The following PMPCB variants were observed in gnomAD, a reference collection of about 807,000 sequenced individuals.
PMPCB encodes mitochondrial-processing peptidase subunit beta.
In PMPCB, 46 loss-of-function variants were observed where a neutral mutation model predicts 61.5. The observed-to-expected ratio is 0.75, with a 90% confidence interval of 0.59 to 0.96. The LOEUF (loss-of-function observed/expected upper bound fraction) is 0.96. Ranked by LOEUF, PMPCB falls within the 40% of genes least tolerant of loss-of-function variation. PMPCB has a pLI of 0.00. For synonymous variants in PMPCB, 191 were observed against 201.6 expected, an observed-to-expected ratio of 0.95 and a Z score of 0.44; for missense variants, 590 against 602.4, an observed-to-expected ratio of 0.98 and a Z score of 0.22.
the PMPCB span, among the ~76,000 whole-genome samples, chr7:103,342,580 C>T: frequency 6.6e-6 from 1 of 151,336 alleles, no homozygotes; most frequent in African/African-American, 2.4e-5. Context: ...GTTGGCATTA[C>T]AGGCGTGAGC....
At chr7:103,302,995 T>G (rs1435124269) in intron 4 of PMPCB, among the ~76,000 whole-genome samples, 1 of 152,250 alleles carries the variant, frequency 6.6e-6, no homozygotes, top group Non-Finnish European at 1.5e-5. Flanking sequence ...GCACAGTTTT[T>G]TTTTTGGAGA....
In PMPCB at chr7:103,324,618, C is replaced by G. The variant is rs986584716; in HGVS notation, c.*1432-4313C>G. 2.0e-5 allele frequency: 26 copies of G among 1,290,378 alleles called. No homozygotes were observed. In the African/African-American group the frequency reaches 3.7e-4, roughly 18 times the overall value. 79.9% of individuals were successfully genotyped at this position (1,290,378 alleles called of 1,614,324 possible). ...TCTTCAAAAATTATGTACAACAGTTCAACAAACAATTTAATTTATTAAAAA... is the reference window on the plus strand; with the variant it reads ...TCTTCAAAAATTATGTACAACAGTTGAACAAACAATTTAATTTATTAAAAA... On this transcript the variant is annotated intron_variant and NMD_transcript_variant, in intron 12 of 12. Coordinates refer to the PMPCB transcript ENST00000444457.
chr7:103,316,764 G>T, downstream of PMPCB: 1 of 1,295,924 alleles, frequency 7.7e-7, no homozygotes. Flanking sequence ...GCTGCTATTT[G>T]GAGTCTGTCT....
chr7:103,316,842 C>G (rs750493852), downstream of PMPCB: 3 of 1,613,370 alleles, frequency 1.9e-6, no homozygotes, highest in Non-Finnish European at 2.5e-6. Context: ...TGAATTTGTT[C>G]CAGCAGGGAA....
chr7:103,315,676 C>T (rs751342677), downstream of PMPCB: 28 of 785,502 alleles, frequency 3.6e-5, no homozygotes, highest in Non-Finnish European at 5.6e-5. Context: ...ATTTCCCTAT[C>T]ATTCTGAACA....
chr7:103,331,467 T>C (rs892142610), downstream of PMPCB, among the ~76,000 whole-genome samples: 37 of 152,178 alleles, frequency 2.4e-4, 1 homozygote, highest in Admixed American at 2.2e-3. Flanking sequence ...TCCTTCTAAT[T>C]GTATGTTTGT....
rs759505735 is a variant in PMPCB, at chr7:103,297,464, C to T, written c.5C>T (p.Ala2Val). 1.1e-5 allele frequency: 17 copies of T among 1,541,268 alleles called. No homozygotes were observed. In the East Asian group the frequency reaches 1.6e-4, roughly 15 times the overall value. The change falls in exon 1 of 13, where the codon GCG (alanine) becomes GTG (valine). Residue 2 changes from alanine to valine, a missense_variant. Physicochemically the swap from Ala to Val is moderately conservative, Grantham distance 64. Coordinates refer to ENST00000249269, the MANE Select transcript of PMPCB (RefSeq NM_004279.3). ...TCTACCTTCCTTCTAGCAGAAATGG[C>T]GGCTGCGGCGGCTCGAGTGGTGTTG... M[A>V]AAAARVVLSS... is the part of the protein sequence containing the mutation.
chr7:103,325,816 T>C (rs1480001986), intron 12 of PMPCB, among the ~76,000 whole-genome samples: 16 of 152,240 alleles, frequency 1.1e-4, no homozygotes, highest in Admixed American at 1.0e-3. Flanking sequence ...AATAATGTTT[T>C]GTCAAAGAAG....
Position 103,308,855 on chromosome 7 carries a change from C to T in PMPCB, c.850-97C>T. ...AATAGAGTCCTGGTGTGCATTTTAA[C>T]TTTGCAGTTAATGGGACTGGTGATT... On this transcript the variant is annotated intron_variant, in intron 7 of 12. Coordinates refer to ENST00000249269, the MANE Select transcript of PMPCB (RefSeq NM_004279.3). 3 of 933,304 alleles carry T rather than the reference C, an allele frequency of 3.2e-6. 1 individual carries two copies. The highest frequency in any genetic ancestry group is 3.1e-6 in the Non-Finnish European group (2 of 650,460). 57.8% of individuals were successfully genotyped at this position (933,304 alleles called of 1,614,324 possible). A position where few individuals can be genotyped will look rare whatever the true frequency, so the allele number is the denominator to read the frequency against.
intron 12 of PMPCB, chr7:103,324,397 A>G: frequency 8.2e-7 from 1 of 1,213,048 alleles, no homozygotes. Flanking sequence ...TGTCCATCTG[A>G]ATTAATTTAT....
chr7:103,344,568 G>C, the PMPCB span: 1 of 1,613,698 alleles, frequency 6.2e-7, no homozygotes, highest in African/African-American at 1.3e-5. Flanking sequence ...CCAGAGGTCA[G>C]AGCGTGGGTG....
chr7:103,320,746 A>AATATATATATATACACACATATATAT (rs1818346058), intron 12 of PMPCB: 4 of 118,324 alleles, frequency 3.4e-5, no homozygotes, highest in Non-Finnish European at 6.8e-5. Context: ...TCTGTCACAA[A>AATATATATATATACACACATATATAT]ATATATATAT....
Position 103,298,604 on chromosome 7 carries a change from C to G in PMPCB, c.136C>G (p.Gln46Glu). The change falls in exon 2 of 13, where the codon CAG (glutamine) becomes GAG (glutamate). Residue 46 changes from glutamine to glutamate, a missense_variant. By Grantham distance (29) the Gln-to-Glu change is conservative (BLOSUM62 2). Transcript: ENST00000249269. Reference protein sequence around the residue: ...YFGENRLRSTQAATQVVLNVP... With the variant: ...YFGENRLRSTEAATQVVLNVP... ...TGGAGAGAACAGATTAAGAAGTACACAGGCTGCTACCCAAGTTGTTCTGAA... is the reference window on the plus strand; with the variant it reads ...TGGAGAGAACAGATTAAGAAGTACAGAGGCTGCTACCCAAGTTGTTCTGAA... 6.2e-7 allele frequency: 1 copy of G among 1,613,940 alleles called. No homozygotes were observed. The highest frequency in any genetic ancestry group is 8.5e-7 in the Non-Finnish European group (1 of 1,179,816).
At chr7:103,335,112 G>A in the PMPCB span, 1 of 152,184 alleles carries the variant, frequency 6.6e-6, no homozygotes, top group African/African-American at 2.4e-5. Flanking sequence ...AGGATTACAA[G>A]TGTGAGCCAC....
chr7:103,302,792 ACTTGGAG>A (rs1817483642), intron 4 of PMPCB, among the ~76,000 whole-genome samples: 1 of 152,182 alleles, frequency 6.6e-6, no homozygotes, highest in Non-Finnish European at 1.5e-5. Flanking sequence ...AGTCTTGGCT[ACTTGGAG>A]GAAGCTGAGG....
At chr7:103,344,050 C>G in the PMPCB span, among the ~76,000 whole-genome samples, 1 of 152,208 alleles carries the variant, frequency 6.6e-6, no homozygotes, top group African/African-American at 2.4e-5. Flanking sequence ...TCAAAGTCTA[C>G]GCGGATCTTT....
At chr7:103,333,721 T>C (rs1178891350), downstream of PMPCB, among the ~76,000 whole-genome samples, 1 of 152,244 alleles carries the variant, frequency 6.6e-6, no homozygotes, top group Non-Finnish European at 1.5e-5. Context: ...TTTTGCATGT[T>C]CTTGAGCTTC....
the PMPCB span, among the ~76,000 whole-genome samples, chr7:103,340,234 T>C: frequency 6.6e-6 from 1 of 152,232 alleles, no homozygotes; most frequent in Non-Finnish European, 1.5e-5. Flanking sequence ...TTTTTCTTTG[T>C]TTTCTTTCTA....
intron 4 of PMPCB, among the ~76,000 whole-genome samples, chr7:103,302,898 A>G (rs1404337427): frequency 6.6e-6 from 1 of 152,178 alleles, no homozygotes; most frequent in Non-Finnish European, 1.5e-5. Flanking sequence ...AAGAAACTTA[A>G]GATTGTAAGT....
Sources: gnomAD v4.1 joint callset for allele counts (sites outside exome capture counted in the v4.1 genomes callset) on GRCh38, gnomAD v4.1.1 for gene constraint, MANE v1.5 for transcripts, NCBI Gene and HGNC (gene_info 2026-07-23, HGNC 2026-07-21) for gene names.